The following FMO3 variants were observed in gnomAD, a reference collection of about 807,000 sequenced individuals.
The protein encoded by FMO3 is flavin-containing monooxygenase 3.
In FMO3, 40 loss-of-function variants were observed where a neutral mutation model predicts 39.4. That is an observed-to-expected ratio of 1.02 (90% confidence interval 0.79 to 1.32). FMO3 has a LOEUF of 1.32. Among genes scored for constraint, FMO3 ranks in the 40% most tolerant of loss-of-function variants. The pLI is 0.00. For missense variants in FMO3, 680 were observed against 651.8 expected (o/e 1.04, Z -0.47); for synonymous variants, 219 against 228.8 (o/e 0.96, Z 0.39).
intron 2 of FMO3, among the ~76,000 whole-genome samples, chr1:171,102,862 G>T (rs773978443): frequency 6.6e-6 from 1 of 152,100 alleles, no homozygotes; most frequent in Non-Finnish European, 1.5e-5. Context: ...AGAAAATTCA[G>T]ATATTTTTAC....
At chr1:171,114,439 A>C in intron 7 of FMO3, 77 bp downstream of exon 7, 1 of 1,079,582 alleles carries the variant, frequency 9.3e-7, no homozygotes, top group East Asian at 2.5e-5. Flanking sequence ...TGAAAACAAT[A>C]ATCCTAGTTA....
At chr1:171,091,492 C>T (rs546269355) in intron 1 of FMO3, among the ~76,000 whole-genome samples, 1 of 151,812 alleles carries the variant, frequency 6.6e-6, no homozygotes, top group Non-Finnish European at 1.5e-5. Flanking sequence ...AAGACAGTGT[C>T]AGGAACAGAA....
chr1:171,107,583 T>C, intron 3 of FMO3, 92 bp from the exon 4 acceptor site: 1 of 946,416 alleles, frequency 1.1e-6, no homozygotes, highest in South Asian at 1.4e-5. Flanking sequence ...CATTAAATAT[T>C]TTTCTTAACC....
Position 171,107,843 on chromosome 1 carries a change from G to C in FMO3, c.484+6G>C. 2.5e-6 allele frequency: 4 copies of C among 1,613,440 alleles called. No homozygotes were observed. Among genetic ancestry groups the C allele is most frequent in the East Asian group, 2.2e-5 (1 of 44,848 alleles). On this transcript the variant is annotated splice_donor_region_variant and intron_variant, in intron 4 of 8. Coordinates refer to ENST00000367755, the MANE Select transcript of FMO3 (RefSeq NM_001002294.3). The stretch of plus-strand genomic sequence containing the variant: ...ACCAAAAGAGTCCTTTCCAGGTAAG[G>C]CCAAAATTTAAGCTGCTAGCCACAT...
intron 3 of FMO3, among the ~76,000 whole-genome samples, chr1:171,106,369 A>G (rs1023651873): frequency 1.3e-5 from 2 of 152,066 alleles, no homozygotes; most frequent in African/African-American, 4.8e-5. Flanking sequence ...CAAACTCCCA[A>G]CGTCAGGTGA....
chr1:171,104,420 GA>G (rs1655547910), intron 3 of FMO3, among the ~76,000 whole-genome samples: 1 of 151,638 alleles, frequency 6.6e-6, no homozygotes, highest in East Asian at 1.9e-4. Context: ...ATTAGAAAAT[GA>G]AAAAGTTTAA....
In FMO3 at chr1:171,112,002, G is replaced by T. The variant is rs28363571; in HGVS notation, c.827+1005G>T. Reference sequence around the variant, plus strand: ...TCCTCAGAGTATGTCTCAGGGAGGAGACTTTTAAGAAAACCTCTGAAGGAG... The same window carrying T: ...TCCTCAGAGTATGTCTCAGGGAGGATACTTTTAAGAAAACCTCTGAAGGAG... On this transcript the variant is annotated intron_variant, in intron 6 of 8. Transcript: ENST00000367755. Among the ~76,000 whole-genome samples the T allele has an allele frequency of 3.3e-5, 5 of 152,100 alleles. No homozygotes were observed. In the East Asian group the frequency reaches 9.7e-4, roughly 30 times the overall value.
rs1157832316 is a variant in FMO3 at position 171,092,783 on chromosome 1, A to T, written c.125A>T (p.Lys42Ile). 2 of 1,613,778 alleles carry T rather than the reference A, an allele frequency of 1.2e-6. No homozygotes were observed. Among genetic ancestry groups the T allele is most frequent in the African/African-American group, 1.3e-5 (1 of 74,892 alleles). Residue 42 changes from lysine to isoleucine, a missense_variant, in exon 2 of 9, where the codon AAA becomes ATA. Physicochemically the swap from Lys to Ile is moderately radical, Grantham distance 102. Transcript: ENST00000367755. ...AGCAATGACATTGGGGGCCTGTGGA[A>T]ATTTTCAGTGAGTAGCATGTTGTTG... Reference protein sequence around the residue: ...EKSNDIGGLWKFSDHAEEGRA... With the variant: ...EKSNDIGGLWIFSDHAEEGRA...
intron 7 of FMO3, among the ~76,000 whole-genome samples, chr1:171,115,065 T>G (rs895316736): frequency 3.9e-5 from 6 of 152,118 alleles, no homozygotes; most frequent in African/African-American, 1.4e-4. Context: ...TGTGGGGAGA[T>G]GCAGATCACA....
At chr1:171,092,631 T>C in intron 1 of FMO3, 22 bp from the exon 2 acceptor site, 1 of 1,613,814 alleles carries the variant, frequency 6.2e-7, no homozygotes, top group Non-Finnish European at 8.5e-7. Flanking sequence ...TTACTGGAAA[T>C]GTTCTCTGGG....
intron 3 of FMO3, among the ~76,000 whole-genome samples, chr1:171,105,807 T>C (rs933257243): frequency 5.9e-5 from 9 of 152,226 alleles, no homozygotes; most frequent in Admixed American, 3.3e-4. Flanking sequence ...GTTTAACACC[T>C]ATTTATGCAT....
chr1:171,114,463 A>G (rs1656058756), intron 7 of FMO3, 101 bp downstream of exon 7: 2 of 866,378 alleles, frequency 2.3e-6, no homozygotes, highest in East Asian at 5.3e-5. Flanking sequence ...GGTCCCCTTC[A>G]GTTTTGAAAA....
At chr1:171,096,290 A>G (rs1324685963) in intron 2 of FMO3, among the ~76,000 whole-genome samples, 1 of 36,650 alleles carries the variant, frequency 2.7e-5, no homozygotes, top group Non-Finnish European at 4.7e-5. Flanking sequence ...TATATTATAT[A>G]TCTATTATAT....
At chr1:171,104,131 C>T (rs1557939591) in intron 3 of FMO3, among the ~76,000 whole-genome samples, 158 bp downstream of exon 3, 1 of 152,138 alleles carries the variant, frequency 6.6e-6, no homozygotes, top group Non-Finnish European at 1.5e-5. Context: ...TTACCTTCTT[C>T]TCAAGGATAC....
intron 1 of FMO3, among the ~76,000 whole-genome samples, 192 bp downstream of exon 1, chr1:171,091,173 C>T (rs1039097449): frequency 6.6e-6 from 1 of 151,506 alleles, no homozygotes; most frequent in Non-Finnish European, 1.5e-5. Context: ...TTGCAGTGAG[C>T]CGAGATCACA....
intron 3 of FMO3, among the ~76,000 whole-genome samples, chr1:171,104,563 T>C (rs1366586824): frequency 1.3e-5 from 2 of 152,138 alleles, no homozygotes; most frequent in Non-Finnish European, 2.9e-5. Context: ...AAGTTAATTA[T>C]TTGAAAGGAC....
At chr1:171,099,960 T>C (rs1389907507) in intron 2 of FMO3, 1 of 152,004 alleles carries the variant, frequency 6.6e-6, no homozygotes, top group Non-Finnish European at 1.5e-5. Flanking sequence ...AATTTTTGTA[T>C]TTTTAGTAGA....
intron 2 of FMO3, among the ~76,000 whole-genome samples, chr1:171,096,073 A>ATATATT (rs1557933390): frequency 0.011 from 671 of 60,478 alleles, 8 homozygotes; most frequent in South Asian, 0.021. Flanking sequence ...ATTATATATT[A>ATATATT]ATATATAATA....
intron 7 of FMO3, 29 bp downstream of exon 7, chr1:171,114,391 C>A (rs529912807): frequency 2.2e-5 from 33 of 1,479,102 alleles, no homozygotes; most frequent in Non-Finnish European, 3.0e-5. Context: ...TCATGGATTG[C>A]GAAGATGAAT....
Sources: gnomAD v4.1 joint callset for allele counts (sites outside exome capture counted in the v4.1 genomes callset) on GRCh38, gnomAD v4.1.1 for gene constraint, MANE v1.5 for transcripts, NCBI Gene and HGNC (gene_info 2026-07-23, HGNC 2026-07-21) for gene names.